PDHX: variants seen among roughly 807,000 people sequenced by gnomAD.
The protein encoded by PDHX is pyruvate dehydrogenase protein X component, mitochondrial.
In PDHX, 33 loss-of-function variants were observed where a neutral mutation model predicts 55.3. The ratio of observed to expected loss-of-function variants is 0.60; its 90% CI spans 0.45 to 0.80. PDHX has a LOEUF of 0.80. PDHX is among the 30% of genes least tolerant of loss of function. The pLI, the probability that PDHX is intolerant of heterozygous loss-of-function variation, is 0.00. For synonymous variants in PDHX, 226 were observed against 219.4 expected, an observed-to-expected ratio of 1.03 and a Z score of -0.27; for missense variants, 622 against 619.9, an observed-to-expected ratio of 1.00 and a Z score of -0.04.
chr11:34,946,666 A>G (rs1327764847), intron 2 of PDHX, among the ~76,000 whole-genome samples: 1 of 152,116 alleles, frequency 6.6e-6, no homozygotes, highest in East Asian at 1.9e-4. Flanking sequence ...TCTGGTCCCC[A>G]CCTTCCTAGA....
chr11:34,922,755 C>T (rs1431205729), intron 1 of PDHX, among the ~76,000 whole-genome samples: 1 of 151,882 alleles, frequency 6.6e-6, no homozygotes, highest in Non-Finnish European at 1.5e-5. Flanking sequence ...ATATTGACTT[C>T]TCCTATCTGT....
chr11:34,955,126 C>CTCTGGCA (rs1035157767), intron 3 of PDHX, among the ~76,000 whole-genome samples: 1 of 152,052 alleles, frequency 6.6e-6, no homozygotes, highest in African/African-American at 2.4e-5. Context: ...CATAAGAAAA[C>CTCTGGCA]TCTGGCATTT....
intron 9 of PDHX, among the ~76,000 whole-genome samples, chr11:34,987,010 A>T (rs373684686): frequency 6.6e-6 from 1 of 152,196 alleles, no homozygotes; most frequent in African/African-American, 2.4e-5. Flanking sequence ...GAGGAGATTC[A>T]GTTTTAGCAA....
At chr11:34,970,008 T>C (rs1472967073) in intron 6 of PDHX, 131 bp from the exon 7 acceptor site, 12 of 776,790 alleles carry the variant, frequency 1.5e-5, no homozygotes, top group African/African-American at 3.5e-5. Flanking sequence ...AGTGCTTTTC[T>C]TGTGTTAATC....
intron 3 of PDHX, among the ~76,000 whole-genome samples, chr11:34,954,308 C>T (rs1854855467): frequency 6.6e-6 from 1 of 152,142 alleles, no homozygotes; most frequent in Non-Finnish European, 1.5e-5. Context: ...ATGGAATGAG[C>T]CCTCTCAATT....
chr11:34,964,193 G>A (rs1488086123), intron 5 of PDHX, among the ~76,000 whole-genome samples: 1 of 152,090 alleles, frequency 6.6e-6, no homozygotes, highest in Non-Finnish European at 1.5e-5. Context: ...AGTTTAGTCT[G>A]ATTATTTAAT....
chr11:34,916,336 C>A (rs779100145), upstream of PDHX: 12 of 1,601,904 alleles, frequency 7.5e-6, no homozygotes, highest in East Asian at 1.1e-4. Flanking sequence ...GCTTTGCGCG[C>A]GGCGCTTAGC....
At chr11:34,989,025 A>G (rs755435943) in intron 9 of PDHX, among the ~76,000 whole-genome samples, 1 of 152,246 alleles carries the variant, frequency 6.6e-6, no homozygotes, top group Non-Finnish European at 1.5e-5. Context: ...ATGCATGGTT[A>G]GGCGATTTTG....
chr11:34,994,257 C>G (rs1855814692), intron 10 of PDHX, among the ~76,000 whole-genome samples: 1 of 152,204 alleles, frequency 6.6e-6, no homozygotes, highest in African/African-American at 2.4e-5. Context: ...GCATGTTACT[C>G]TACTGAATAC....
chr11:34,964,680 A>T (rs1449628877), intron 5 of PDHX, among the ~76,000 whole-genome samples: 3 of 152,152 alleles, frequency 2.0e-5, no homozygotes. Context: ...CTTCTTTATG[A>T]TTAACCTACC....
chr11:34,974,915 A>G (rs1279076672), intron 7 of PDHX, among the ~76,000 whole-genome samples: 2 of 152,160 alleles, frequency 1.3e-5, no homozygotes, highest in African/African-American at 4.8e-5. Flanking sequence ...TCCAAAAACA[A>G]AAATGAAGTG....
chr11:34,951,297 G>T lies in PDHX; in HGVS notation c.342+3691G>T, dbSNP rs181176640. ...GATGGTCTCGATCTCCTGACCTCATGATCCACCCGCCTCGGCCTCCCAAAG... is the reference window on the plus strand; with the variant it reads ...GATGGTCTCGATCTCCTGACCTCATTATCCACCCGCCTCGGCCTCCCAAAG... On this transcript the variant is annotated intron_variant, in intron 3 of 10. Coordinates refer to ENST00000227868, the MANE Select transcript of PDHX (RefSeq NM_003477.3). Among the ~76,000 whole-genome samples, 1,206 of 151,642 alleles carry T rather than the reference G, an allele frequency of 8.0e-3. 20 individuals carry two copies. The highest frequency in any genetic ancestry group is 0.028 in the African/African-American group (1,159 of 41,086).
chr11:34,923,623 G>C (rs1174916395), intron 1 of PDHX, among the ~76,000 whole-genome samples: 1 of 142,906 alleles, frequency 7.0e-6, no homozygotes, highest in African/African-American at 2.9e-5. Context: ...TTTTGTTGTT[G>C]TTTTCCAGTG....
intron 3 of PDHX, among the ~76,000 whole-genome samples, chr11:34,957,038 T>A (rs965919990): frequency 6.6e-6 from 1 of 152,246 alleles, no homozygotes; most frequent in Non-Finnish European, 1.5e-5. Flanking sequence ...GGTTAAGATA[T>A]GTAGCCACAG....
At chr11:34,967,211 T>G (rs1427724096) in intron 6 of PDHX, among the ~76,000 whole-genome samples, 2 of 152,164 alleles carry the variant, frequency 1.3e-5, no homozygotes, top group Non-Finnish European at 2.9e-5. Context: ...TACTATGTGT[T>G]TTAAGAGTAG....
upstream of PDHX, chr11:34,916,144 C>G: frequency 3.3e-6 from 5 of 1,532,114 alleles, no homozygotes; most frequent in Non-Finnish European, 4.4e-6. Flanking sequence ...GCCCGGCCCG[C>G]TACCCTGCGC....
chr11:34,959,031 G>A lies in PDHX; in HGVS notation c.543-1389G>A, dbSNP rs780371210. ...CTGAAATGCAGCAAGTTCCACAGTT[G>A]TTTCTGTCTCTTAGCTTTAATTTCT... On this transcript the variant is annotated intron_variant, in intron 4 of 10. Transcript: ENST00000227868. Among the ~76,000 whole-genome samples, 9 of 151,972 alleles carry A rather than the reference G, an allele frequency of 5.9e-5. 1 individual carries two copies. Among genetic ancestry groups the A allele is most frequent in the Admixed American group, 3.9e-4 (6 of 15,262 alleles).
intron 5 of PDHX, among the ~76,000 whole-genome samples, chr11:34,964,632 C>G (rs1855087999): frequency 6.6e-6 from 1 of 151,788 alleles, no homozygotes; most frequent in African/African-American, 2.4e-5. Flanking sequence ...ATCAGCAATA[C>G]AAGTTTTTGT....
intron 2 of PDHX, among the ~76,000 whole-genome samples, chr11:34,931,812 T>TTGTGTGTG (rs35425265): frequency 1.1e-4 from 16 of 146,184 alleles, no homozygotes; most frequent in South Asian, 6.8e-4. Flanking sequence ...TTTATCATGA[T>TTGTGTGTG]TGTGTGTGTG....
Sources: allele counts gnomAD v4.1 joint callset (sites outside exome capture counted in the v4.1 genomes callset), GRCh38; gene constraint gnomAD v4.1.1; transcripts MANE v1.5; gene names NCBI Gene and HGNC (gene_info 2026-07-23, HGNC 2026-07-21).